The following PLCB4 variants were observed in gnomAD, a reference collection of about 807,000 sequenced individuals.
The protein encoded by PLCB4 is phospholipase C beta 4.
In PLCB4, 77 loss-of-function variants were observed where a neutral mutation model predicts 178.8. The ratio of observed to expected loss-of-function variants is 0.43; its 90% CI spans 0.36 to 0.52. The LOEUF (loss-of-function observed/expected upper bound fraction) is 0.52, where lower values mean the gene tolerates loss of function less well. Among genes scored for constraint, PLCB4 ranks in the 20% least tolerant of loss-of-function variants. PLCB4 has a pLI of 0.00. For synonymous variants in PLCB4, 496 were observed against 490.8 expected (o/e 1.01, Z -0.14); for missense variants, 1,024 against 1,453.4 (o/e 0.70, Z 4.80).
intron 2 of PLCB4, among the ~76,000 whole-genome samples, chr20:9,168,620 C>T (rs993425497): frequency 3.3e-5 from 5 of 152,160 alleles, no homozygotes; most frequent in African/African-American, 1.2e-4. Context: ...TTTCAGGGAC[C>T]ACACTTTGAC....
chr20:9,433,800 A>T (rs898434476), intron 28 of PLCB4, among the ~76,000 whole-genome samples: 4 of 152,130 alleles, frequency 2.6e-5, no homozygotes, highest in Admixed American at 6.5e-5. Context: ...TTAAGAACTA[A>T]TTTTTCCACA....
chr20:9,373,149 G>A, intron 12 of PLCB4, 45 bp downstream of exon 12: 1 of 954,810 alleles, frequency 1.0e-6, no homozygotes, highest in South Asian at 1.4e-5. Flanking sequence ...GTGTGCAGTG[G>A]CTTGCCTTCT....
chr20:9,204,814 C>T (rs138630273), intron 2 of PLCB4, among the ~76,000 whole-genome samples: 31 of 151,666 alleles, frequency 2.0e-4, no homozygotes, highest in Non-Finnish European at 3.8e-4. Flanking sequence ...GCCAGAGCCA[C>T]GTGTGATCAT....
chr20:9,219,638 C>T (rs1311861260), intron 3 of PLCB4, among the ~76,000 whole-genome samples: 2 of 152,168 alleles, frequency 1.3e-5, no homozygotes, highest in African/African-American at 4.8e-5. Context: ...GAGAATCCTT[C>T]CATATGTCCC....
At chr20:9,457,517 TG>T in intron 34 of PLCB4, 28 bp downstream of exon 34, 1 of 1,053,624 alleles carries the variant, frequency 9.5e-7, no homozygotes, top group Non-Finnish European at 1.5e-6. Context: ...TTTACAGCAG[TG>T]ACTTGCAGAA....
intron 14 of PLCB4, among the ~76,000 whole-genome samples, chr20:9,384,705 GT>G (rs1251833098): frequency 1.3e-5 from 2 of 150,682 alleles, no homozygotes; most frequent in Non-Finnish European, 3.0e-5. Flanking sequence ...GGCGTGTTGA[GT>G]TTTTTGTTGA....
At chr20:9,345,099 GA>G (rs148205019) in intron 7 of PLCB4, among the ~76,000 whole-genome samples, 7,593 of 152,298 alleles carry the variant, frequency 0.05, 264 homozygotes, top group Non-Finnish European at 0.076. Flanking sequence ...TGAGTCAGGA[GA>G]ACTGCTTGAA....
intron 32 of PLCB4, among the ~76,000 whole-genome samples, chr20:9,450,975 T>A (rs1299020436): frequency 6.6e-6 from 1 of 152,130 alleles, no homozygotes; most frequent in African/African-American, 2.4e-5. Context: ...ATAAAGACAT[T>A]GAGGCCTGGG....
intron 3 of PLCB4, among the ~76,000 whole-genome samples, chr20:9,291,051 C>A (rs560815873): frequency 1.3e-5 from 2 of 152,208 alleles, no homozygotes; most frequent in East Asian, 1.9e-4. Flanking sequence ...TCTTTCCATT[C>A]CAGCATGCTA....
chr20:9,264,419 A>G (rs1212220492), intron 3 of PLCB4, among the ~76,000 whole-genome samples: 2 of 152,210 alleles, frequency 1.3e-5, no homozygotes, highest in Non-Finnish European at 2.9e-5. Flanking sequence ...TTACTTTGTA[A>G]TAGAAGTGAT....
In PLCB4 at chr20:9,479,302, AGC is replaced by A. The variant is rs1407778842; in HGVS notation, c.*294_*295del. On this transcript the variant is annotated 3_prime_UTR_variant, in exon 40 of 40. Coordinates refer to ENST00000378473, the MANE Select transcript of PLCB4 (RefSeq NM_001377142.1). Reference sequence around the variant, plus strand: ...TATAAAATACCATCACAAGTAAATGAGCTTGGTGTGAACAACTCTCCTTTGTG... The same window carrying A: ...TATAAAATACCATCACAAGTAAATGATTGGTGTGAACAACTCTCCTTTGTG... 1 of 374,720 alleles carries A rather than the reference AGC, an allele frequency of 2.7e-6. No homozygotes were observed. The highest frequency in any genetic ancestry group is 4.9e-6 in the Non-Finnish European group (1 of 202,270). 23.2% of individuals were successfully genotyped at this position (374,720 alleles called of 1,614,324 possible). A position where few individuals can be genotyped will look rare whatever the true frequency, so the allele number is the denominator to read the frequency against.
At chr20:9,389,556 A>T (rs762730737) in intron 15 of PLCB4, among the ~76,000 whole-genome samples, 21 of 152,214 alleles carry the variant, frequency 1.4e-4, no homozygotes, top group Non-Finnish European at 3.1e-4. Context: ...CTCAAGAAGA[A>T]AGGTGGACTC....
intron 4 of PLCB4, among the ~76,000 whole-genome samples, chr20:9,317,375 C>A (rs961796465): frequency 1.6e-4 from 25 of 152,210 alleles, no homozygotes; most frequent in African/African-American, 6.0e-4. Flanking sequence ...TTCTAAGATG[C>A]TCTCATTTTT....
Position 9,393,759 on chromosome 20 carries a change from T to G in PLCB4, c.1414+81T>G, listed in dbSNP as rs16995820. On this transcript the variant is annotated intron_variant, in intron 18 of 39. Transcript: ENST00000378473. ...CAGCTGTTGAGAATTCAATTTATTT[T>G]AAAACCACTGATTTTTGGGGGAAGG... The G allele has an allele frequency of 0.022, 20,794 of 952,624 alleles. 2,347 individuals carry two copies. The African/African-American group carries it at 0.27, about 12-fold the overall frequency. The allele number at this position is 952,624 out of a possible 1,614,324, so 59.0% of individuals were successfully genotyped here. A position where few individuals can be genotyped will look rare whatever the true frequency, so the allele number is the denominator to read the frequency against.
rs183152844 is a variant in PLCB4, at chr20:9,094,045, A to T, written c.-134-2242A>T. On this transcript the variant is annotated intron_variant, in intron 1 of 39. Coordinates refer to ENST00000378473, the MANE Select transcript of PLCB4 (RefSeq NM_001377142.1). The stretch of plus-strand genomic sequence containing the variant: ...TCTTTGCCATGAATAAAGGATTTTT[A>T]AAAAAAGTTGTTTCCTCTTGGATGT... Among the ~76,000 whole-genome samples, 721 of 152,258 alleles carry T rather than the reference A, an allele frequency of 4.7e-3. 3 individuals are homozygous for T. The highest frequency in any genetic ancestry group is 0.014 in the Middle Eastern group (4 of 294).
chr20:9,294,578 C>G (rs1420664660), intron 3 of PLCB4, among the ~76,000 whole-genome samples: 2 of 152,166 alleles, frequency 1.3e-5, no homozygotes, highest in Non-Finnish European at 2.9e-5. Flanking sequence ...TTCCGAATAC[C>G]TAGCCAGCTT....
intron 19 of PLCB4, 121 bp downstream of exon 19, chr20:9,395,739 G>A: frequency 3.1e-6 from 2 of 640,214 alleles, no homozygotes; most frequent in South Asian, 1.8e-5. Context: ...CAAGGTGGGA[G>A]GATTGCTTGA....
Position 9,162,376 on chromosome 20 carries a change from A to G in PLCB4, c.-78-55014A>G, listed in dbSNP as rs545052098. 7.5e-4 allele frequency among the ~76,000 whole-genome samples: 115 copies of G among 152,336 alleles called. 1 individual carries two copies. The highest frequency in any genetic ancestry group is 2.4e-3 in the African/African-American group (99 of 41,586). Reference sequence around the variant, plus strand: ...GTGTATGTTTTGGGTATTGGGCAAGAGGAAAGAGAGAAGCAGAGGTATACC... The same window carrying G: ...GTGTATGTTTTGGGTATTGGGCAAGGGGAAAGAGAGAAGCAGAGGTATACC... On this transcript the variant is annotated intron_variant, in intron 2 of 39. Transcript: ENST00000378473.
intron 2 of PLCB4, among the ~76,000 whole-genome samples, chr20:9,104,663 T>C (rs2091298350): frequency 6.6e-6 from 1 of 152,186 alleles, no homozygotes; most frequent in South Asian, 2.1e-4. Context: ...TTCTTTAGTA[T>C]ACCCTGCGTT....
Sources: gnomAD v4.1 joint callset for allele counts (sites outside exome capture counted in the v4.1 genomes callset) on GRCh38, gnomAD v4.1.1 for gene constraint, MANE v1.5 for transcripts, NCBI Gene and HGNC (gene_info 2026-07-23, HGNC 2026-07-21) for gene names.